Variants in TXNRD1 observed in about 807,000 individuals in gnomAD.
TXNRD1 encodes thioredoxin reductase 1, cytoplasmic.
Under a neutral mutation model 80.3 loss-of-function variants are expected in TXNRD1, and 57 were observed. That is an observed-to-expected ratio of 0.71 (90% CI 0.57 to 0.89). The LOEUF is 0.89. Among genes scored for constraint, TXNRD1 ranks in the 40% least tolerant of loss-of-function variants. TXNRD1 has a pLI of 0.00. For synonymous variants in TXNRD1, 291 were observed against 285.2 expected (o/e 1.02, Z -0.20); for missense variants, 730 against 803.0 (o/e 0.91, Z 1.10).
intron 3 of TXNRD1, chr12:104,287,359 G>A: frequency 6.2e-7 from 1 of 1,614,018 alleles, no homozygotes; most frequent in Admixed American, 1.7e-5. Flanking sequence ...AGGTGAGGCC[G>A]GCGCCTGTAG....
intron 14 of TXNRD1, 158 bp from the exon 15 acceptor site, chr12:104,334,079 G>A: frequency 2.6e-6 from 1 of 390,572 alleles, no homozygotes; most frequent in Non-Finnish European, 4.6e-6. Flanking sequence ...GGAGTTGAAA[G>A]TCATTTACCT....
In TXNRD1 at chr12:104,267,647, A is replaced by ATCTTTCCTTCTTTCTTTCTT. The variant is rs1555209253; in HGVS notation, c.304+9574_304+9575insCTTCTTTCTTTCTTTCTTTC. 4.9e-4 allele frequency among the ~76,000 whole-genome samples: 69 copies of ATCTTTCCTTCTTTCTTTCTT among 140,454 alleles called. 1 individual carries two copies. The highest frequency in any genetic ancestry group is 1.2e-3 in the South Asian group (5 of 4,214). The allele number at this position is 140,454 out of a possible 152,430, so 92.1% of individuals were successfully genotyped here. On this transcript the variant is annotated intron_variant, in intron 3 of 16. Coordinates refer to ENST00000525566, the MANE Select transcript of TXNRD1 (RefSeq NM_001093771.3). The stretch of plus-strand genomic sequence containing the variant: ...GATAGGTGTTCCTAGATGTGATGGT[A>ATCTTTCCTTCTTTCTTTCTT]TCTTTCTTTCTTTCTTTCTTTCTTT...
At chr12:104,286,942 T>C in intron 3 of TXNRD1, 1 of 1,200,702 alleles carries the variant, frequency 8.3e-7, no homozygotes, top group South Asian at 1.8e-5. Flanking sequence ...TTTGTCATTC[T>C]GACTCTGGCA....
chr12:104,257,836 G>C lies in TXNRD1; in HGVS notation c.244-183G>C, dbSNP rs183180902. 2.4e-3 allele frequency among the ~76,000 whole-genome samples: 365 copies of C among 152,284 alleles called. 5 individuals carry two copies. The highest frequency in any genetic ancestry group is 7.8e-4 in the Non-Finnish European group (53 of 68,030). ...AATTGAATAGAATCAACAGACTTCA[G>C]ATACTCTTGTAAATATCATTTCTGT... On this transcript the variant is annotated intron_variant, in intron 2 of 16. Transcript: ENST00000525566.
At chr12:104,268,816 G>A (rs114362837) in intron 3 of TXNRD1, among the ~76,000 whole-genome samples, 2,697 of 151,142 alleles carry the variant, frequency 0.018, 69 homozygotes, top group African/African-American at 0.061. Context: ...CGCACCTGGC[G>A]TACAGTAGAG....
chr12:104,312,973 A>ATG (rs35346022), intron 5 of TXNRD1, among the ~76,000 whole-genome samples: 179 of 152,230 alleles, frequency 1.2e-3, no homozygotes, highest in African/African-American at 4.2e-3. Flanking sequence ...GAGTGGAATT[A>ATG]TGTGAGAGAA....
At chr12:104,240,387 T>C (rs2032832939) in intron 1 of TXNRD1, among the ~76,000 whole-genome samples, 2 of 152,232 alleles carry the variant, frequency 1.3e-5, no homozygotes, top group South Asian at 4.1e-4. Context: ...AGGTAGTTTC[T>C]TTTAAGCCCT....
intron 3 of TXNRD1, among the ~76,000 whole-genome samples, chr12:104,283,366 C>G (rs2033916542): frequency 6.6e-6 from 1 of 152,092 alleles, no homozygotes; most frequent in Non-Finnish European, 1.5e-5. Flanking sequence ...ATTCTCCTGC[C>G]TCAACCTCCT....
chr12:104,285,493 C>T (rs1182338537), intron 3 of TXNRD1, among the ~76,000 whole-genome samples: 3 of 152,100 alleles, frequency 2.0e-5, no homozygotes, highest in East Asian at 1.9e-4. Flanking sequence ...TTTGGAATGC[C>T]GTTAGAAAAT....
rs973479047 is a variant in TXNRD1, at chr12:104,251,665, C to G, written c.230C>G (p.Thr77Arg). 6.2e-7 allele frequency: 1 copy of G among 1,613,822 alleles called. No homozygotes were observed. The highest frequency in any genetic ancestry group is 8.5e-7 in the Non-Finnish European group (1 of 1,179,878). Residue 77 changes from threonine (T) to arginine (R), a missense_variant, in exon 2 of 17, where the codon ACA becomes AGA. Thr to Arg is a moderately conservative substitution (Grantham distance 71). Transcript: ENST00000525566. ...SVVIFSRSTCTRCTEVKKLFK... is the reference protein window; with the variant it reads ...SVVIFSRSTCRRCTEVKKLFK... ...GTCATCTTCAGTAGGTCCACATGCA[C>G]ACGCTGTACTGAGGTAAGGCTTTAA...
At position 104,331,653 on chromosome 12, in the gene TXNRD1, T is replaced by C; in HGVS notation, c.1650+12T>C. The C allele has an allele frequency of 1.3e-6, 2 of 1,528,114 alleles. No individual in the cohort carries two copies. Among genetic ancestry groups the C allele is most frequent in the South Asian group, 1.1e-5 (1 of 87,274 alleles). 94.7% of individuals were successfully genotyped at this position (1,528,114 alleles called of 1,614,324 possible). On this transcript the variant is annotated intron_variant, in intron 14 of 16. Transcript: ENST00000525566. ...AAGAAAATATTGAGGTAAGTTCTTT[T>C]CCTCTTTTCTCCTATGTTATATCAC... is the stretch of plus-strand genomic sequence containing the variant.
intron 1 of TXNRD1, among the ~76,000 whole-genome samples, chr12:104,228,093 A>G (rs2032517397): frequency 6.6e-6 from 1 of 152,130 alleles, no homozygotes; most frequent in African/African-American, 2.4e-5. Context: ...ACCTGAGGTC[A>G]GGAGTTAGAG....
In TXNRD1 at chr12:104,331,533, G is replaced by T. The variant is rs2035946735; in HGVS notation, c.1543-1G>T. 6.3e-7 allele frequency: 1 copy of T among 1,598,524 alleles called. No individual in the cohort carries two copies. Among genetic ancestry groups the T allele is most frequent in the Admixed American group, 1.7e-5 (1 of 58,962 alleles). ...AACTCCTTACCTCCATTTTTAAACA[G>T]TGTGACTATGAAAATGTTCCAACCA... On this transcript the variant is annotated splice_acceptor_variant, in intron 13 of 16. Transcript: ENST00000525566. LOFTEE classifies it high-confidence loss of function.
chr12:104,292,123 A>G (rs2034240866), intron 4 of TXNRD1, among the ~76,000 whole-genome samples: 1 of 152,198 alleles, frequency 6.6e-6, no homozygotes, highest in Admixed American at 6.5e-5. Context: ...TCCCTGAATA[A>G]ACAACAGCAG....
chr12:104,287,229 G>C, intron 3 of TXNRD1: 1 of 1,612,260 alleles, frequency 6.2e-7, no homozygotes, highest in Admixed American at 1.7e-5. Flanking sequence ...GTGCGTCTCG[G>C]GGAAGGGAAG....
intron 13 of TXNRD1, among the ~76,000 whole-genome samples, chr12:104,330,308 A>C (rs2035906380): frequency 6.6e-6 from 1 of 152,182 alleles, no homozygotes; most frequent in African/African-American, 2.4e-5. Context: ...AACCCTTGGC[A>C]TTTACATAAT....
intron 1 of TXNRD1, among the ~76,000 whole-genome samples, chr12:104,227,473 G>T (rs192712726): frequency 6.6e-6 from 1 of 152,050 alleles, no homozygotes; most frequent in African/African-American, 2.4e-5. Flanking sequence ...TCTTATGATG[G>T]CCAGGCTGGT....
intron 3 of TXNRD1, among the ~76,000 whole-genome samples, chr12:104,274,266 G>A (rs2033711925): frequency 6.6e-6 from 1 of 152,114 alleles, no homozygotes; most frequent in African/African-American, 2.4e-5. Flanking sequence ...GCTCCATGAA[G>A]TGACCATAGC....
At chr12:104,216,011 T>A in intron 1 of TXNRD1, 118 bp downstream of exon 1, 1 of 824,640 alleles carries the variant, frequency 1.2e-6, no homozygotes, top group Non-Finnish European at 1.8e-6. Flanking sequence ...CTGGAGTCAG[T>A]GACTGACCGC....
Sources: gnomAD v4.1 joint callset for allele counts (sites outside exome capture counted in the v4.1 genomes callset) on GRCh38, gnomAD v4.1.1 for gene constraint, MANE v1.5 for transcripts, NCBI Gene and HGNC (gene_info 2026-07-23, HGNC 2026-07-21) for gene names.